The following DOCK2 variants were observed in gnomAD, a reference collection of about 807,000 sequenced individuals.
DOCK2 encodes the protein dedicator of cytokinesis protein 2.
In DOCK2, 87 loss-of-function variants were observed where a neutral mutation model predicts 248.9. The observed-to-expected ratio is 0.35, with a 90% CI of 0.29 to 0.42. DOCK2 has a LOEUF of 0.42. Ranked by LOEUF, DOCK2 falls within the 10% of genes least tolerant of loss-of-function variation. The pLI, the probability that DOCK2 is intolerant of heterozygous loss-of-function variation, is 1.00. For missense variants in DOCK2, 1,747 were observed against 2,300.2 expected, an observed-to-expected ratio of 0.76 and a Z score of 4.92; for synonymous variants, 805 against 821.6, an observed-to-expected ratio of 0.98 and a Z score of 0.35.
intron 25 of DOCK2, among the ~76,000 whole-genome samples, chr5:169,767,002 T>A (rs942359475): frequency 1.3e-5 from 2 of 152,212 alleles, no homozygotes; most frequent in African/African-American, 4.8e-5. Flanking sequence ...GCGATCTGCC[T>A]GCCTCAGCCT....
chr5:169,920,152 C>T (rs1228397736), intron 27 of DOCK2, among the ~76,000 whole-genome samples: 2 of 152,034 alleles, frequency 1.3e-5, no homozygotes, highest in Non-Finnish European at 2.9e-5. Context: ...AGGGTAACAC[C>T]GTAGAAGATA....
At chr5:170,012,630 CAT>C (rs1296553739) in intron 32 of DOCK2, among the ~76,000 whole-genome samples, 2 of 152,132 alleles carry the variant, frequency 1.3e-5, no homozygotes, top group Non-Finnish European at 2.9e-5. Context: ...AGAAAGACAA[CAT>C]GTGGTTAAGG....
rs1328734263 is a variant in DOCK2, at chr5:169,718,661, T to C, written c.2137T>C (p.Leu713=). 7 of 1,611,102 alleles carry C rather than the reference T, an allele frequency of 4.3e-6. No homozygotes were observed. Among genetic ancestry groups the C allele is most frequent in the Non-Finnish European group, 5.1e-6 (6 of 1,178,426 alleles). Residue 713 remains leucine (L), a synonymous_variant, in exon 22 of 52, where the codon TTG becomes CTG. Transcript: ENST00000520908. ...HFSATLAYKK[L]MTVLKTYLDT... is the part of the protein sequence containing the mutation. ...AAAATATTATCCCTTATTCAGGAAATTGATGACAGTGCTGAAGACTTACTT... is the reference window on the plus strand; with the variant it reads ...AAAATATTATCCCTTATTCAGGAAACTGATGACAGTGCTGAAGACTTACTT...
At chr5:169,804,560 G>A (rs1376868312) in intron 26 of DOCK2, among the ~76,000 whole-genome samples, 1 of 151,766 alleles carries the variant, frequency 6.6e-6, no homozygotes. Flanking sequence ...CTAGTGTTCA[G>A]TGGTGAATAA....
intron 24 of DOCK2, among the ~76,000 whole-genome samples, chr5:169,760,712 T>C (rs977237807): frequency 1.3e-5 from 2 of 152,200 alleles, no homozygotes; most frequent in South Asian, 4.1e-4. Context: ...TACATCGCTG[T>C]GTATTGATTT....
chr5:169,896,104 G>C (rs1379713191), intron 27 of DOCK2, among the ~76,000 whole-genome samples: 1 of 152,100 alleles, frequency 6.6e-6, no homozygotes, highest in Non-Finnish European at 1.5e-5. Context: ...CTGCACTGGG[G>C]CACAGGGATT....
At chr5:169,967,272 A>G (rs1332728592) in intron 27 of DOCK2, among the ~76,000 whole-genome samples, 1 of 152,220 alleles carries the variant, frequency 6.6e-6, no homozygotes, top group Non-Finnish European at 1.5e-5. Flanking sequence ...GCCTTTCCAG[A>G]TGAAGTGATT....
chr5:169,803,001 A>G, intron 25 of DOCK2, 57 bp from the exon 26 acceptor site: 1 of 1,587,080 alleles, frequency 6.3e-7, no homozygotes, highest in Non-Finnish European at 8.5e-7. Context: ...CATATATGAA[A>G]GAAAAGAAAC....
chr5:169,877,118 G>C (rs1561787776), intron 27 of DOCK2, among the ~76,000 whole-genome samples: 1 of 152,302 alleles, frequency 6.6e-6, no homozygotes, highest in East Asian at 1.9e-4. Flanking sequence ...TCCACACAAA[G>C]CAGGGCAGAA....
intron 27 of DOCK2, among the ~76,000 whole-genome samples, chr5:169,937,665 A>T (rs1392722063): frequency 1.3e-5 from 2 of 152,222 alleles, no homozygotes; most frequent in Admixed American, 6.5e-5. Flanking sequence ...CAAATGGATA[A>T]AGAGTATTTA....
chr5:169,956,327 T>G (rs1170903056), intron 27 of DOCK2, among the ~76,000 whole-genome samples: 1 of 152,204 alleles, frequency 6.6e-6, no homozygotes, highest in Non-Finnish European at 1.5e-5. Flanking sequence ...AGGGAAATGA[T>G]GCCAAGATTT....
chr5:169,740,002 C>T (rs1763228376), intron 22 of DOCK2, among the ~76,000 whole-genome samples: 2 of 152,158 alleles, frequency 1.3e-5, no homozygotes, highest in African/African-American at 4.8e-5. Flanking sequence ...GGGGGAAAAA[C>T]CCTAAATACC....
chr5:169,746,582 T>G (rs1463923791), intron 22 of DOCK2, among the ~76,000 whole-genome samples: 1 of 152,202 alleles, frequency 6.6e-6, no homozygotes, highest in Non-Finnish European at 1.5e-5. Flanking sequence ...GCTGCGGATA[T>G]TTCACGGTTG....
At chr5:169,822,471 A>G (rs1246026543) in intron 26 of DOCK2, among the ~76,000 whole-genome samples, 1 of 152,252 alleles carries the variant, frequency 6.6e-6, no homozygotes, top group African/African-American at 2.4e-5. Flanking sequence ...AACTTACTCA[A>G]AACCGCTCAA....
At chr5:169,639,093 T>C (rs1262802283) in intron 1 of DOCK2, among the ~76,000 whole-genome samples, 2 of 152,204 alleles carry the variant, frequency 1.3e-5, no homozygotes, top group African/African-American at 2.4e-5. Context: ...TGGATTTCCT[T>C]CTCTGAGCAC....
rs565566916 is a variant in DOCK2 at position 169,992,227 on chromosome 5, G to A, written c.2994-3859G>A. ...GCATTAGAAAAACAAAAGCAACAGA[G>A]GAAAGAATCCATGCAAAGCCCTAGC... On this transcript the variant is annotated intron_variant, in intron 29 of 51. Coordinates refer to ENST00000520908, the MANE Select transcript of DOCK2 (RefSeq NM_004946.3). Among the ~76,000 whole-genome samples, 5 of 152,306 alleles carry A rather than the reference G, an allele frequency of 3.3e-5. No homozygotes were observed. In the South Asian group the frequency reaches 1.0e-3, roughly 32 times the overall value.
chr5:170,052,559 T>A (rs1756956994), intron 41 of DOCK2, among the ~76,000 whole-genome samples: 1 of 152,230 alleles, frequency 6.6e-6, no homozygotes, highest in Admixed American at 6.5e-5. Context: ...GTGTTAATTT[T>A]CCCTATTTCA....
At chr5:170,022,302 G>A (rs1278950756) in intron 33 of DOCK2, among the ~76,000 whole-genome samples, 1 of 152,130 alleles carries the variant, frequency 6.6e-6, no homozygotes, top group Non-Finnish European at 1.5e-5. Flanking sequence ...AACTAGGACA[G>A]GAAGGTGTTA....
At chr5:169,998,520 C>T (rs184521286) in intron 30 of DOCK2, among the ~76,000 whole-genome samples, 20 of 152,310 alleles carry the variant, frequency 1.3e-4, no homozygotes, top group Admixed American at 8.5e-4. Flanking sequence ...CCAGATCTCA[C>T]GAGAAGCACT....
Sources: gnomAD v4.1 joint callset for allele counts (sites outside exome capture counted in the v4.1 genomes callset) on GRCh38, gnomAD v4.1.1 for gene constraint, MANE v1.5 for transcripts, NCBI Gene and HGNC (gene_info 2026-07-23, HGNC 2026-07-21) for gene names.